Variants in POLN observed in about 807,000 individuals in gnomAD.
POLN encodes the protein DNA polymerase nu, also known as DNA polymerase N.
A neutral mutation model predicts 113.5 loss-of-function variants in POLN; 108 were observed. The observed-to-expected ratio is 0.95, with a 90% CI of 0.81 to 1.12. The LOEUF (loss-of-function observed/expected upper bound fraction) is 1.12, where lower values mean the gene tolerates loss of function less well. Ranked by LOEUF, POLN falls within the 50% of genes most tolerant of loss-of-function variation. The probability of loss-of-function intolerance (pLI) is 0.00; values close to 1 mark genes in which losing one functional copy is unlikely to be tolerated. For synonymous variants in POLN, 386 were observed against 391.5 expected, an observed-to-expected ratio of 0.99 and a Z score of 0.17; for missense variants, 1,097 against 1,077.1, an observed-to-expected ratio of 1.02 and a Z score of -0.26.
intron 2 of POLN, among the ~76,000 whole-genome samples, chr4:2,239,849 T>C (rs1734906167): frequency 6.6e-6 from 1 of 152,228 alleles, no homozygotes; most frequent in Non-Finnish European, 1.5e-5. Flanking sequence ...TTACTATTGC[T>C]GCCCTCCATT....
intron 6 of POLN, among the ~76,000 whole-genome samples, chr4:2,194,521 C>T (rs1038084358): frequency 5.9e-5 from 9 of 151,994 alleles, no homozygotes; most frequent in African/African-American, 1.9e-4. Context: ...TTGGCTGGAC[C>T]GGTGAGGAGG....
At chr4:2,228,686 A>G (rs939002697) in intron 3 of POLN, 4 of 174,260 alleles carry the variant, frequency 2.3e-5, no homozygotes, top group Non-Finnish European at 4.9e-5. Flanking sequence ...CACTGATCCA[A>G]TAATCCTTGC....
chr4:2,215,085 A>G (rs1451994253), intron 3 of POLN, among the ~76,000 whole-genome samples: 1 of 152,176 alleles, frequency 6.6e-6, no homozygotes, highest in African/African-American at 2.4e-5. Context: ...ACAGGTTTAA[A>G]CCAAAATGTT....
chr4:2,172,638 T>C (rs954612511), intron 11 of POLN, among the ~76,000 whole-genome samples: 3 of 152,220 alleles, frequency 2.0e-5, no homozygotes, highest in African/African-American at 7.2e-5. Context: ...GATATCATTA[T>C]AGCCTCACCA....
chr4:2,198,058 T>TG (rs1455322760), intron 6 of POLN, among the ~76,000 whole-genome samples: 1 of 152,158 alleles, frequency 6.6e-6, no homozygotes, highest in Non-Finnish European at 1.5e-5. Flanking sequence ...TCCAAAGAGG[T>TG]GAGACAGGTC....
chr4:2,118,679 A>G (rs963728561), intron 19 of POLN, among the ~76,000 whole-genome samples: 4 of 152,164 alleles, frequency 2.6e-5, no homozygotes, highest in East Asian at 1.9e-4. Context: ...AGTGCCACAC[A>G]TTTCAGGATT....
Position 2,240,790 on chromosome 4 carries a change from A to T in POLN, c.-13+730T>A, listed in dbSNP as rs113667346. 1.3e-4 allele frequency: 213 copies of T among 1,613,822 alleles called. 3 individuals are homozygous for T. The South Asian group carries it at 2.3e-3, about 17-fold the overall frequency. Reference sequence around the variant, plus strand: ...AAAGCTTCCAATTCTCTTTCAGACAACACGTTCTGTTCATTCACATTCCCA... The same window carrying T: ...AAAGCTTCCAATTCTCTTTCAGACATCACGTTCTGTTCATTCACATTCCCA... On this transcript the variant is annotated intron_variant, in intron 2 of 25. Transcript: ENST00000511885.
chr4:2,122,783 T>C (rs957525290), intron 19 of POLN, among the ~76,000 whole-genome samples: 7 of 152,082 alleles, frequency 4.6e-5, no homozygotes, highest in African/African-American at 1.7e-4. Context: ...AAGTTAAACA[T>C]AGAATTATTT....
intron 20 of POLN, 119 bp from the exon 21 acceptor site, chr4:2,085,863 G>T: frequency 7.2e-7 from 1 of 1,392,560 alleles, no homozygotes; most frequent in Non-Finnish European, 9.8e-7. Flanking sequence ...TTGGGATGGA[G>T]TTGGCGTTGA....
chr4:2,081,318 C>A (rs1577679622), intron 22 of POLN: 7 of 844,932 alleles, frequency 8.3e-6, no homozygotes, highest in Middle Eastern at 3.6e-4. Flanking sequence ...AGGCCAAGTG[C>A]CAAGGAACTG....
intron 16 of POLN, among the ~76,000 whole-genome samples, chr4:2,133,356 A>G (rs1731774636): frequency 6.6e-6 from 1 of 152,218 alleles, no homozygotes. Flanking sequence ...ACAAATAAGT[A>G]TCTGCACTCC....
chr4:2,152,326 T>C (rs1486523580), intron 16 of POLN, among the ~76,000 whole-genome samples: 6 of 149,714 alleles, frequency 4.0e-5, no homozygotes, highest in African/African-American at 9.8e-5. Context: ...ACATGAGCCA[T>C]TGCACCTGGC....
At chr4:2,167,865 C>T (rs1732767046) in intron 13 of POLN, among the ~76,000 whole-genome samples, 2 of 152,094 alleles carry the variant, frequency 1.3e-5, no homozygotes, top group South Asian at 4.1e-4. Context: ...CATCACTGCA[C>T]TCCAGCCTGG....
intron 19 of POLN, among the ~76,000 whole-genome samples, chr4:2,125,736 C>T (rs997986074): frequency 2.6e-5 from 4 of 152,144 alleles, no homozygotes; most frequent in Non-Finnish European, 4.4e-5. Context: ...ATCCATCCTG[C>T]GACCTTTCCT....
intron 7 of POLN, among the ~76,000 whole-genome samples, chr4:2,179,673 C>G (rs981500649): frequency 6.6e-6 from 1 of 152,132 alleles, no homozygotes; most frequent in Admixed American, 6.6e-5. Flanking sequence ...CCACATGGCC[C>G]GTCTCTGTGG....
At chr4:2,220,048 A>T (rs1734217531) in intron 3 of POLN, among the ~76,000 whole-genome samples, 1 of 152,140 alleles carries the variant, frequency 6.6e-6, no homozygotes, top group African/African-American at 2.4e-5. Flanking sequence ...CCTTTGGAGT[A>T]GAATCTCTTT....
chr4:2,240,979 T>TA, intron 2 of POLN: 1 of 1,505,798 alleles, frequency 6.6e-7, no homozygotes, highest in Non-Finnish European at 9.0e-7. Context: ...TTGTATCTGA[T>TA]ATGGGTTTAC....
intron 4 of POLN, among the ~76,000 whole-genome samples, chr4:2,210,413 T>C (rs914417370): frequency 4.6e-5 from 7 of 150,578 alleles, no homozygotes; most frequent in Non-Finnish European, 8.9e-5. Context: ...ACCCTGTCCT[T>C]TTACAAAGAA....
At chr4:2,185,640 A>T (rs9990912) in intron 7 of POLN, among the ~76,000 whole-genome samples, 1 of 151,898 alleles carries the variant, frequency 6.6e-6, no homozygotes, top group Non-Finnish European at 1.5e-5. Context: ...CAGCTACTCA[A>T]GAGGCTGAGT....
Sources: gnomAD v4.1 joint callset for allele counts (sites outside exome capture counted in the v4.1 genomes callset) on GRCh38, gnomAD v4.1.1 for gene constraint, MANE v1.5 for transcripts, NCBI Gene and HGNC (gene_info 2026-07-23, HGNC 2026-07-21) for gene names.